GPR161: variants seen among roughly 807,000 people sequenced by gnomAD.
GPR161 encodes G-protein coupled receptor RE2.
GPR161 carries 25 observed loss-of-function variants against 39.2 expected under a neutral mutation model. The observed-to-expected ratio is 0.64, with a 90% CI of 0.47 to 0.89. GPR161 has a LOEUF of 0.89. GPR161 is among the 40% of genes least tolerant of loss of function. The pLI, the probability that GPR161 is intolerant of heterozygous loss-of-function variation, is 0.00. For synonymous variants in GPR161, 286 were observed against 276.6 expected (o/e 1.03, Z -0.34); for missense variants, 547 against 677.8 (o/e 0.81, Z 2.14).
Position 168,136,792 on chromosome 1 carries a change from C to G in GPR161, c.-98G>C. 8.1e-6 allele frequency: 8 copies of G among 986,140 alleles called. No individual in the cohort carries two copies. Among genetic ancestry groups the G allele is most frequent in the Non-Finnish European group, 9.6e-6 (8 of 830,670 alleles). 61.1% of individuals were successfully genotyped at this position (986,140 alleles called of 1,614,324 possible). A position where few individuals can be genotyped will look rare whatever the true frequency, so the allele number is the denominator to read the frequency against. On this transcript the variant is annotated 5_prime_UTR_variant, in exon 1 of 6. Coordinates refer to ENST00000682931, the MANE Select transcript of GPR161 (RefSeq NM_001375883.1). ...CCCCGGCCCAGCCGCCTCCCCGCCTCGGCCACCGCCGCCGCCGCTTCCTTC... is the reference window on the plus strand; with the variant it reads ...CCCCGGCCCAGCCGCCTCCCCGCCTGGGCCACCGCCGCCGCCGCTTCCTTC...
Position 168,104,594 on chromosome 1 carries a change from G to C in GPR161, c.257C>G (p.Thr86Arg). 1 of 1,613,800 alleles carries C rather than the reference G, an allele frequency of 6.2e-7. No homozygotes were observed. Among genetic ancestry groups the C allele is most frequent in the Non-Finnish European group, 8.5e-7 (1 of 1,179,742 alleles). The change falls in exon 2 of 6, where the codon ACG becomes AGG. Residue 86 changes from threonine to arginine, a missense_variant. Thr to Arg is a moderately conservative substitution (Grantham distance 71, BLOSUM62 -1). Coordinates refer to ENST00000682931, the MANE Select transcript of GPR161 (RefSeq NM_001375883.1). ...LSVLVLPFVV[T>R]SSIRREWIFG... ...GATCCATTCCCTGCGGATGGAGCTC[G>C]TCACCACAAAAGGCAGCACCAACAC...
intron 2 of GPR161, among the ~76,000 whole-genome samples, chr1:168,100,233 A>G (rs1278642230): frequency 6.7e-6 from 1 of 148,688 alleles, no homozygotes; most frequent in East Asian, 2.0e-4. Flanking sequence ...AAAAAAAAAA[A>G]GGATATAGAA....
chr1:168,087,693 T>C lies in GPR161; in HGVS notation c.1216A>G (p.Met406Val). 1 of 1,612,654 alleles carries C rather than the reference T, an allele frequency of 6.2e-7. No homozygotes were observed. Among genetic ancestry groups the C allele is most frequent in the Non-Finnish European group, 8.5e-7 (1 of 1,179,188 alleles). ...TCAGACGTGTAGTCCTCAAGCAGCATCATATCTGTCCCTAAAACAACGGGC... is the reference window on the plus strand; with the variant it reads ...TCAGACGTGTAGTCCTCAAGCAGCACCATATCTGTCCCTAAAACAACGGGC... ...SCSQDSGTDMMLLEDYTSDDN... is the reference protein window; with the variant it reads ...SCSQDSGTDMVLLEDYTSDDN... Residue 406 changes from methionine (M) to valine (V), a missense_variant, in exon 5 of 6, where the codon ATG (methionine) becomes GTG (valine). Met to Val is a conservative substitution (Grantham distance 21). Coordinates refer to ENST00000682931, the MANE Select transcript of GPR161 (RefSeq NM_001375883.1).
At chr1:168,085,938 G>C (rs1694453807) in intron 5 of GPR161, 142 bp from the exon 6 acceptor site, 2 of 678,894 alleles carry the variant, frequency 2.9e-6, no homozygotes, top group Non-Finnish European at 4.9e-6. Flanking sequence ...TCCATTCCTA[G>C]ACCAAAAGCT....
Position 168,085,254 on chromosome 1 carries a change from A to C in GPR161, c.*277T>G. On this transcript the variant is annotated 3_prime_UTR_variant, in exon 6 of 6. Coordinates refer to ENST00000682931, the MANE Select transcript of GPR161 (RefSeq NM_001375883.1). ...CCCAAAAAGCCACAGCCACATCTCT[A>C]GATTTTTTTTTGGTTTTTTTTTTGC... 4.0e-6 allele frequency: 2 copies of C among 505,184 alleles called. No homozygotes were observed. Among genetic ancestry groups the C allele is most frequent in the African/African-American group, 2.0e-5 (1 of 49,530 alleles). 31.3% of individuals were successfully genotyped at this position (505,184 alleles called of 1,614,324 possible). A position where few individuals can be genotyped will look rare whatever the true frequency, so the allele number is the denominator to read the frequency against.
rs762567467 is a variant in GPR161 at position 168,096,689 on chromosome 1, C to G, written c.918G>C (p.Glu306Asp). 1 of 1,614,116 alleles carries G rather than the reference C, an allele frequency of 6.2e-7. No homozygotes were observed. The highest frequency in any genetic ancestry group is 1.7e-5 in the Admixed American group (1 of 60,026). The change falls in exon 3 of 6, where the codon GAG becomes GAC. Residue 306 changes from glutamate to aspartate, a missense_variant. Glu to Asp is a conservative substitution (Grantham distance 45). Transcript: ENST00000682931. ...WGKSSVSPSL[E>D]TWATWLSFAS... ...CAAAGGACAGCCATGTGGCCCAAGTCTCCAGGCTCGGGGAGACGGAGCTTT... is the reference window on the plus strand; with the variant it reads ...CAAAGGACAGCCATGTGGCCCAAGTGTCCAGGCTCGGGGAGACGGAGCTTT...
In GPR161 at chr1:168,085,624, G is replaced by T. The variant is rs528609467; in HGVS notation, c.1497C>A (p.Phe499Leu). The T allele has an allele frequency of 6.2e-7, 1 of 1,614,070 alleles. No individual in the cohort carries two copies. The change falls in exon 6 of 6, where the codon TTC becomes TTA. Residue 499 changes from phenylalanine to leucine, a missense_variant. Coordinates refer to ENST00000682931, the MANE Select transcript of GPR161 (RefSeq NM_001375883.1). ...GAGTTCTGCTGCCTCGGCGGCCCCC[G>T]AAGCCGCCCCCCGGGACAGTCCGTG... ...VTARTVPGGGFGGRRGSRTLV... is the reference protein window; with the variant it reads ...VTARTVPGGGLGGRRGSRTLV...
intron 3 of GPR161, among the ~76,000 whole-genome samples, chr1:168,092,044 G>C (rs1219545592): frequency 1.3e-5 from 2 of 152,200 alleles, no homozygotes; most frequent in Admixed American, 1.3e-4. Flanking sequence ...CATGGTGTGG[G>C]AAGGCGGGGT....
At chr1:168,085,884 C>CG in intron 5 of GPR161, 88 bp from the exon 6 acceptor site, 1 of 1,221,372 alleles carries the variant, frequency 8.2e-7, no homozygotes. Context: ...TCCACCACCC[C>CG]GGGGAGGGAG....
At chr1:168,096,035 G>A (rs987022359) in intron 3 of GPR161, among the ~76,000 whole-genome samples, 1 of 149,784 alleles carries the variant, frequency 6.7e-6, no homozygotes, top group African/African-American at 2.4e-5. Context: ...TTGGGAGGCT[G>A]AGGCACGAGG....
At chr1:168,137,409 C>G, upstream of GPR161, 2 of 1,534,892 alleles carry the variant, frequency 1.3e-6, no homozygotes, top group Non-Finnish European at 1.7e-6. Context: ...ATCCAGCCGA[C>G]GGGCACGAGC....
chr1:168,113,121 G>C (rs1365520853), intron 1 of GPR161, among the ~76,000 whole-genome samples: 1 of 152,182 alleles, frequency 6.6e-6, no homozygotes, highest in African/African-American at 2.4e-5. Flanking sequence ...CTGGCAGGCA[G>C]CCAGCTTACC....
At chr1:168,130,319 T>G (rs1279690700) in intron 1 of GPR161, among the ~76,000 whole-genome samples, 1 of 152,206 alleles carries the variant, frequency 6.6e-6, no homozygotes, top group Non-Finnish European at 1.5e-5. Flanking sequence ...TCTTCGAACT[T>G]CCTTTGATGT....
chr1:168,111,422 A>G (rs1697155504), intron 1 of GPR161, among the ~76,000 whole-genome samples: 1 of 152,198 alleles, frequency 6.6e-6, no homozygotes, highest in Non-Finnish European at 1.5e-5. Flanking sequence ...AAAGTCTTTG[A>G]TGAGGGGAAG....
At chr1:168,134,855 G>A in intron 1 of GPR161, 2 of 1,501,914 alleles carry the variant, frequency 1.3e-6, no homozygotes, top group Non-Finnish European at 9.0e-7. Context: ...CTGCACTCAG[G>A]CTTCCTGACT....
chr1:168,104,114 C>T (rs910288206), intron 2 of GPR161, among the ~76,000 whole-genome samples: 6 of 152,158 alleles, frequency 3.9e-5, no homozygotes, highest in Non-Finnish European at 8.8e-5. Flanking sequence ...CAAGACAGAG[C>T]AGGGGTCACA....
intron 1 of GPR161, among the ~76,000 whole-genome samples, chr1:168,109,061 G>C (rs911470745): frequency 2.0e-5 from 3 of 152,178 alleles, no homozygotes; most frequent in Non-Finnish European, 4.4e-5. Context: ...GAATTAGTCT[G>C]AAGAAATTCC....
intron 3 of GPR161, among the ~76,000 whole-genome samples, chr1:168,093,679 G>A (rs1381801155): frequency 6.6e-6 from 1 of 152,218 alleles, no homozygotes; most frequent in African/African-American, 2.4e-5. Flanking sequence ...CCAGTGGCAG[G>A]GGAAGTGATT....
At chr1:168,105,075 T>C (rs1696485524) in intron 1 of GPR161, among the ~76,000 whole-genome samples, 181 bp from the exon 2 acceptor site, 1 of 152,150 alleles carries the variant, frequency 6.6e-6, no homozygotes, top group Non-Finnish European at 1.5e-5. Context: ...TCTACAACCA[T>C]GTGTGAAATT....
Sources: allele counts gnomAD v4.1 joint callset (sites outside exome capture counted in the v4.1 genomes callset), GRCh38; gene constraint gnomAD v4.1.1; transcripts MANE v1.5; gene names NCBI Gene and HGNC (gene_info 2026-07-23, HGNC 2026-07-21).